Variants in GRAMD1B observed in about 807,000 individuals in gnomAD.
GRAMD1B encodes protein Aster-B.
A neutral mutation model predicts 99.7 loss-of-function variants in GRAMD1B; 37 were observed. That is an observed-to-expected ratio of 0.37 (90% confidence interval 0.29 to 0.49). GRAMD1B has a LOEUF of 0.49. Among genes scored for constraint, GRAMD1B ranks in the 20% least tolerant of loss-of-function variants. GRAMD1B has a pLI of 0.98. For synonymous variants in GRAMD1B, 427 were observed against 387.6 expected (o/e 1.10, Z -1.19); for missense variants, 888 against 1,009.2 (o/e 0.88, Z 1.63).
intron 17 of GRAMD1B, chr11:123,618,435 G>A (rs1249030922): frequency 1.6e-5 from 21 of 1,296,908 alleles, no homozygotes; most frequent in Non-Finnish European, 2.1e-5. Flanking sequence ...AGGTGCCCAG[G>A]TTCTGGGTGC....
At chr11:123,362,837 G>A (rs932957323) in intron 1 of GRAMD1B, among the ~76,000 whole-genome samples, 1 of 152,124 alleles carries the variant, frequency 6.6e-6, no homozygotes, top group Non-Finnish European at 1.5e-5. Flanking sequence ...CGAACCTGGA[G>A]ATACAGGCTG....
intron 1 of GRAMD1B, among the ~76,000 whole-genome samples, chr11:123,395,999 T>G (rs1454116587): frequency 1.3e-5 from 2 of 152,146 alleles, no homozygotes; most frequent in African/African-American, 4.8e-5. Flanking sequence ...GTAGCTTATA[T>G]TTAGTAGTAG....
At chr11:123,457,325 C>T (rs530269596) in intron 1 of GRAMD1B, among the ~76,000 whole-genome samples, 7 of 152,250 alleles carry the variant, frequency 4.6e-5, no homozygotes, top group Admixed American at 1.3e-4. Flanking sequence ...TGTTAGCTGC[C>T]TCTAAACCAC....
chr11:123,391,518 A>G (rs556349260), intron 1 of GRAMD1B, among the ~76,000 whole-genome samples: 87 of 152,186 alleles, frequency 5.7e-4, no homozygotes, highest in Middle Eastern at 3.4e-3. Flanking sequence ...GTGCAGTGGC[A>G]TGATCTCGGC....
intron 1 of GRAMD1B, among the ~76,000 whole-genome samples, chr11:123,391,409 C>G (rs557957716): frequency 6.6e-6 from 1 of 152,060 alleles, no homozygotes; most frequent in African/African-American, 2.4e-5. Flanking sequence ...ATCTCTCTGC[C>G]GAGATCACTA....
intron 2 of GRAMD1B, among the ~76,000 whole-genome samples, chr11:123,513,609 C>CTTTCTTT (rs1206527809): frequency 2.3e-3 from 82 of 35,990 alleles, no homozygotes; most frequent in Middle Eastern, 0.023. Flanking sequence ...TTCCTTCCTT[C>CTTTCTTT]CTTCCTTCCT....
In GRAMD1B at chr11:123,600,568, CTT is replaced by C; in HGVS notation, c.1050+23_1050+24del. 1 of 1,549,018 alleles carries C rather than the reference CTT, an allele frequency of 6.5e-7. No homozygotes were observed. Among genetic ancestry groups the C allele is most frequent in the Non-Finnish European group, 8.9e-7 (1 of 1,122,336 alleles). The stretch of plus-strand genomic sequence containing the variant: ...GAAAAGGTAAGTACGGCCGAGTTTG[CTT>C]TTACTGTGGGACTGGCTATCTCTAG... On this transcript the variant is annotated intron_variant, in intron 8 of 19. Transcript: ENST00000635736.
intron 2 of GRAMD1B, among the ~76,000 whole-genome samples, chr11:123,512,157 G>A (rs1941089048): frequency 6.6e-6 from 1 of 152,182 alleles, no homozygotes; most frequent in African/African-American, 2.4e-5. Context: ...TTGACAGTGG[G>A]CAGTGGCGAC....
intron 1 of GRAMD1B, among the ~76,000 whole-genome samples, chr11:123,414,084 G>T (rs1237052219): frequency 1.4e-5 from 2 of 145,716 alleles, no homozygotes; most frequent in Non-Finnish European, 3.0e-5. Flanking sequence ...TTGCTCTGTT[G>T]CCCAGGCTGC....
intron 2 of GRAMD1B, among the ~76,000 whole-genome samples, chr11:123,495,371 A>C (rs1322152062): frequency 6.6e-6 from 1 of 152,224 alleles, no homozygotes; most frequent in East Asian, 1.9e-4. Context: ...CACAGCATGG[A>C]AGATAGGGTG....
intron 10 of GRAMD1B, among the ~76,000 whole-genome samples, chr11:123,606,277 GGTACTA>G (rs1952698715): frequency 6.6e-6 from 1 of 152,382 alleles, no homozygotes; most frequent in African/African-American, 2.4e-5. Context: ...AGGATAAACA[GGTACTA>G]CCTGGAGGCA....
chr11:123,494,529 G>C (rs1425167348), intron 2 of GRAMD1B, among the ~76,000 whole-genome samples: 1 of 151,884 alleles, frequency 6.6e-6, no homozygotes, highest in African/African-American at 2.4e-5. Context: ...CCAGCTTAGA[G>C]CTCCTCTTTA....
chr11:123,463,995 A>G (rs752814883), intron 1 of GRAMD1B, among the ~76,000 whole-genome samples: 13 of 152,148 alleles, frequency 8.5e-5, no homozygotes, highest in Non-Finnish European at 1.8e-4. Flanking sequence ...TAACTTGGGA[A>G]GAGACTTGAC....
At position 123,507,595 on chromosome 11, in the gene GRAMD1B, A is replaced by C. The variant is rs963606433; in HGVS notation, c.452+26702A>C. The stretch of plus-strand genomic sequence containing the variant: ...TACCTCAATTTGAATCAGAGTAGTT[A>C]AATTAAAATAAGGTGAACATGAGTA... On this transcript the variant is annotated intron_variant, in intron 2 of 19. Transcript: ENST00000635736. 2.6e-5 allele frequency among the ~76,000 whole-genome samples: 4 copies of C among 151,532 alleles called. No homozygotes were observed. The East Asian group carries it at 7.7e-4, about 29-fold the overall frequency.
chr11:123,483,262 A>G (rs978690152), intron 2 of GRAMD1B, among the ~76,000 whole-genome samples: 17 of 152,170 alleles, frequency 1.1e-4, no homozygotes, highest in African/African-American at 4.1e-4. Context: ...TACAGCGTGG[A>G]TATGCTGAAC....
intron 1 of GRAMD1B, among the ~76,000 whole-genome samples, chr11:123,368,275 A>AAAAAAAAAAAAAAAAAAAAG (rs60644137): frequency 7.9e-5 from 10 of 127,110 alleles, no homozygotes; most frequent in African/African-American, 2.6e-4. Flanking sequence ...AAAAAAAAAA[A>AAAAAAAAAAAAAAAAAAAAG]AAAGAAAGAA....
intron 2 of GRAMD1B, among the ~76,000 whole-genome samples, chr11:123,574,091 A>AAG (rs1555080057): frequency 3.3e-5 from 5 of 151,768 alleles, no homozygotes; most frequent in South Asian, 2.1e-4. Context: ...AAAAAAAAAA[A>AAG]AAGAAGAAAG....
At chr11:123,556,892 C>A (rs956745856) in intron 2 of GRAMD1B, among the ~76,000 whole-genome samples, 5 of 152,294 alleles carry the variant, frequency 3.3e-5, no homozygotes, top group East Asian at 1.9e-4. Context: ...AGTATGAGTG[C>A]CTCTATGGGA....
intron 2 of GRAMD1B, among the ~76,000 whole-genome samples, chr11:123,575,542 G>T (rs891434396): frequency 6.6e-6 from 1 of 152,110 alleles, no homozygotes; most frequent in East Asian, 1.9e-4. Context: ...GGTCCTCGTT[G>T]TTCTAGTAAC....
Sources: allele counts gnomAD v4.1 joint callset (sites outside exome capture counted in the v4.1 genomes callset), GRCh38; gene constraint gnomAD v4.1.1; transcripts MANE v1.5; gene names NCBI Gene and HGNC (gene_info 2026-07-23, HGNC 2026-07-21).